NTRK2: variants seen among roughly 807,000 people sequenced by gnomAD.
NTRK2 encodes neurotrophic receptor tyrosine kinase 2.
NTRK2 carries 13 observed loss-of-function variants against 94.5 expected under a neutral mutation model. The ratio of observed to expected loss-of-function variants is 0.14; its 90% confidence interval spans 0.09 to 0.22. The LOEUF is 0.22. NTRK2 is among the 10% of genes least tolerant of loss of function. The pLI, the probability that NTRK2 is intolerant of heterozygous loss-of-function variation, is 1.00. For missense variants in NTRK2, 639 were observed against 1,071.2 expected (o/e 0.60, Z 5.63); for synonymous variants, 372 against 407.4 (o/e 0.91, Z 1.05).
intron 9 of NTRK2, 114 bp downstream of exon 9, chr9:84,728,073 AT>A: frequency 1.1e-6 from 1 of 944,166 alleles, no homozygotes; most frequent in Non-Finnish European, 1.7e-6. Flanking sequence ...AAACTCCATT[AT>A]TTAGTGTTGC....
At position 85,010,653 on chromosome 9, in the gene NTRK2, C is replaced by A. The variant is rs185586039; in HGVS notation, c.2173-9553C>A. On this transcript the variant is annotated intron_variant, in intron 17 of 18. Coordinates refer to ENST00000277120, the MANE Select transcript of NTRK2 (RefSeq NM_006180.6). Reference sequence around the variant, plus strand: ...ATAAAGATTAAGAGTTACTGGGGAGCGGGGCTGTCAGCAGGAGGGGAAGAA... The same window carrying A: ...ATAAAGATTAAGAGTTACTGGGGAGAGGGGCTGTCAGCAGGAGGGGAAGAA... Among the ~76,000 whole-genome samples the A allele has an allele frequency of 2.8e-4, 42 of 152,178 alleles. 1 individual carries two copies. The South Asian group carries it at 8.7e-3, about 32-fold the overall frequency.
At chr9:84,670,286 G>A (rs1587814521) in intron 1 of NTRK2, 91 bp from the exon 2 acceptor site, 1 of 270,196 alleles carries the variant, frequency 3.7e-6, no homozygotes, top group African/African-American at 2.2e-5. Flanking sequence ...TGGGGTCGGG[G>A]TGGGGATGAC....
intron 14 of NTRK2, among the ~76,000 whole-genome samples, chr9:84,902,847 T>G (rs749523613): frequency 1.3e-5 from 2 of 152,216 alleles, no homozygotes; most frequent in Non-Finnish European, 2.9e-5. Flanking sequence ...TTACTCAAAC[T>G]GAGCCTTAGT....
Position 84,813,576 on chromosome 9 carries a change from C to T in NTRK2, c.1397-47464C>T, listed in dbSNP as rs564603066. The T allele has an allele frequency of 2.4e-5, 26 of 1,065,586 alleles. No individual in the cohort carries two copies. In the Admixed American group the frequency reaches 1.3e-3, roughly 55 times the overall value. The allele number at this position is 1,065,586 out of a possible 1,614,324, so 66.0% of individuals were successfully genotyped here. On this transcript the variant is annotated intron_variant, in intron 12 of 18. Transcript: ENST00000277120. ...CTGAGTTTAACAGCCCAGTTATCTGCAACATGTCAATTACCTTTGCTCCTC... is the reference window on the plus strand; with the variant it reads ...CTGAGTTTAACAGCCCAGTTATCTGTAACATGTCAATTACCTTTGCTCCTC...
In NTRK2 at chr9:84,926,161, C is replaced by CTTT. The variant is rs2077782785; in HGVS notation, c.1634-8001_1634-8000insTTT. Among the ~76,000 whole-genome samples, 233 of 63,632 alleles carry CTTT rather than the reference C, an allele frequency of 3.7e-3. 1 individual carries two copies. Among genetic ancestry groups the CTTT allele is most frequent in the Admixed American group, 7.3e-3 (42 of 5,720 alleles). 41.7% of individuals were successfully genotyped at this position (63,632 alleles called of 152,430 possible). ...TCCTTCCTTCCTTCCTTCCTTCCTT[C>CTTT]CTTCCTTCCTTTCTTTCTTTCTTTC... On this transcript the variant is annotated intron_variant, in intron 14 of 18. Coordinates refer to ENST00000277120, the MANE Select transcript of NTRK2 (RefSeq NM_006180.6).
At chr9:84,971,263 A>G (rs1826150832) in intron 17 of NTRK2, among the ~76,000 whole-genome samples, 1 of 152,228 alleles carries the variant, frequency 6.6e-6, no homozygotes, top group Admixed American at 6.5e-5. Flanking sequence ...ACTAGAGGGA[A>G]AAAGTGAGCA....
chr9:84,950,440 G>A (rs1418914421), intron 16 of NTRK2, among the ~76,000 whole-genome samples: 1 of 152,182 alleles, frequency 6.6e-6, no homozygotes, highest in Admixed American at 6.5e-5. Context: ...AGAAGTCCCA[G>A]TAGTGAGGAC....
At chr9:84,883,805 CCTT>C (rs1158488829) in intron 14 of NTRK2, among the ~76,000 whole-genome samples, 1 of 152,178 alleles carries the variant, frequency 6.6e-6, no homozygotes, top group Non-Finnish European at 1.5e-5. Context: ...TAGGCTCAAT[CCTT>C]CTAATAATTC....
chr9:84,894,878 T>A (rs2076714266), intron 14 of NTRK2, among the ~76,000 whole-genome samples: 1 of 152,202 alleles, frequency 6.6e-6, no homozygotes, highest in African/African-American at 2.4e-5. Flanking sequence ...AGAGGGAAAT[T>A]GGACAGGCAT....
chr9:84,719,165 G>A (rs1054902970), intron 6 of NTRK2, among the ~76,000 whole-genome samples: 1 of 152,146 alleles, frequency 6.6e-6, no homozygotes, highest in African/African-American at 2.4e-5. Flanking sequence ...GGAGGTAGTG[G>A]TGAAGACCCT....
chr9:84,832,693 C>T (rs1451615854), intron 12 of NTRK2, among the ~76,000 whole-genome samples: 1 of 152,160 alleles, frequency 6.6e-6, no homozygotes, highest in East Asian at 1.9e-4. Context: ...CCCCTTGAAC[C>T]AGCTGCGAAA....
chr9:84,913,300 A>T (rs1318196057), intron 14 of NTRK2, among the ~76,000 whole-genome samples: 2 of 152,092 alleles, frequency 1.3e-5, no homozygotes, highest in African/African-American at 2.4e-5. Context: ...TCTGTTTTTG[A>T]CATGTTACCA....
intron 14 of NTRK2, among the ~76,000 whole-genome samples, chr9:84,931,681 G>C (rs1225814844): frequency 1.4e-5 from 2 of 146,692 alleles, no homozygotes; most frequent in Non-Finnish European, 3.0e-5. Context: ...TCTCCTGCTT[G>C]GACTGCGAAA....
chr9:84,978,767 TG>T (rs1346903616), intron 17 of NTRK2, among the ~76,000 whole-genome samples: 1 of 152,256 alleles, frequency 6.6e-6, no homozygotes, highest in East Asian at 1.9e-4. Flanking sequence ...TCCCGTCAGC[TG>T]ACTCTCTTGT....
chr9:84,824,289 CCCA>C (rs1305233795), intron 12 of NTRK2, among the ~76,000 whole-genome samples: 1 of 152,228 alleles, frequency 6.6e-6, no homozygotes, highest in Non-Finnish European at 1.5e-5. Context: ...ACCCTCACGA[CCCA>C]CCACCAGCAA....
chr9:84,813,406 A>C, intron 12 of NTRK2: 1 of 1,063,310 alleles, frequency 9.4e-7, no homozygotes, highest in Non-Finnish European at 1.1e-6. Context: ...AAGCCAACAA[A>C]AGTCTGTGGG....
At chr9:84,757,315 T>C (rs2065171296) in intron 12 of NTRK2, among the ~76,000 whole-genome samples, 1 of 152,234 alleles carries the variant, frequency 6.6e-6, no homozygotes, top group Non-Finnish European at 1.5e-5. Context: ...TAGAAATAAC[T>C]TTCTTTAACT....
At chr9:84,708,608 C>A (rs1181489911) in intron 5 of NTRK2, among the ~76,000 whole-genome samples, 1 of 152,218 alleles carries the variant, frequency 6.6e-6, no homozygotes, top group Non-Finnish European at 1.5e-5. Context: ...TCAAAGCATC[C>A]TAATGCAGAG....
intron 12 of NTRK2, among the ~76,000 whole-genome samples, chr9:84,850,898 G>C (rs370780837): frequency 2.0e-5 from 3 of 152,140 alleles, no homozygotes; most frequent in Non-Finnish European, 2.9e-5. Context: ...AATAATGTGG[G>C]AGAAGACCAA....
Sources: allele counts gnomAD v4.1 joint callset (sites outside exome capture counted in the v4.1 genomes callset), GRCh38; gene constraint gnomAD v4.1.1; transcripts MANE v1.5; gene names NCBI Gene and HGNC (gene_info 2026-07-23, HGNC 2026-07-21).